The following UNC13C variants were observed in gnomAD, a reference collection of about 807,000 sequenced individuals.
UNC13C encodes unc-13 homolog C, also known as protein unc-13 homolog C.
A neutral mutation model predicts 245.4 loss-of-function variants in UNC13C; 174 were observed. The ratio of observed to expected loss-of-function variants is 0.71; its 90% CI spans 0.63 to 0.80. UNC13C has a LOEUF of 0.80. Ranked by LOEUF, UNC13C falls within the 30% of genes least tolerant of loss-of-function variation. The pLI is 0.00. For missense variants in UNC13C, 2,829 were observed against 2,602.9 expected (o/e 1.09, Z -1.89); for synonymous variants, 992 against 895.1 (o/e 1.11, Z -1.93).
intron 19 of UNC13C, among the ~76,000 whole-genome samples, chr15:54,477,837 G>C (rs1252233875): frequency 2.0e-5 from 3 of 149,568 alleles, no homozygotes; most frequent in Non-Finnish European, 4.4e-5. Context: ...ATGAGTTAAG[G>C]AGGAGTCCCT....
chr15:54,318,551 T>C (rs898299968), intron 13 of UNC13C, among the ~76,000 whole-genome samples: 1 of 151,942 alleles, frequency 6.6e-6, no homozygotes, highest in African/African-American at 2.4e-5. Context: ...ATGTGGGTCT[T>C]TTGCCCATTT....
chr15:54,414,011 G>A (rs1354144356), intron 18 of UNC13C, among the ~76,000 whole-genome samples: 1 of 152,138 alleles, frequency 6.6e-6, no homozygotes, highest in African/African-American at 2.4e-5. Context: ...ATTATTAAGA[G>A]CCTTATCATG....
At chr15:53,888,650 C>G in the UNC13C span, among the ~76,000 whole-genome samples, 2 of 152,112 alleles carry the variant, frequency 1.3e-5, no homozygotes, top group African/African-American at 4.8e-5. Context: ...ATGGCATTGC[C>G]TATGTTTTCT....
the UNC13C span, among the ~76,000 whole-genome samples, chr15:53,916,567 T>A: frequency 1.3e-5 from 2 of 152,124 alleles, no homozygotes; most frequent in African/African-American, 4.8e-5. Context: ...AGTTGGGAAG[T>A]AGAGCTGCTT....
intron 2 of UNC13C, among the ~76,000 whole-genome samples, chr15:54,093,177 A>G (rs1899660170): frequency 9.0e-6 from 1 of 111,064 alleles, no homozygotes. Flanking sequence ...ACAGGGTGCT[A>G]AAAAATGTAA....
intron 2 of UNC13C, among the ~76,000 whole-genome samples, chr15:54,117,654 T>G (rs2030364339): frequency 6.6e-6 from 1 of 151,704 alleles, no homozygotes; most frequent in Non-Finnish European, 1.5e-5. Context: ...CAATCTTGAC[T>G]CACTGCAGCC....
Position 54,374,787 on chromosome 15 carries a change from G to A in UNC13C, c.4714-18261G>A, listed in dbSNP as rs960620113. On this transcript the variant is annotated intron_variant, in intron 17 of 32. Transcript: ENST00000260323. Reference sequence around the variant, plus strand: ...CTGTGGAGCATGCAGTCCTGGCTGCGCCTCGCCGGCTGGCTGCAGCTGTCA... The same window carrying A: ...CTGTGGAGCATGCAGTCCTGGCTGCACCTCGCCGGCTGGCTGCAGCTGTCA... Among the ~76,000 whole-genome samples, 24 of 152,206 alleles carry A rather than the reference G, an allele frequency of 1.6e-4. 2 individuals are homozygous for A. Among genetic ancestry groups the A allele is most frequent in the Admixed American group, 1.1e-3 (17 of 15,286 alleles).
chr15:54,621,832 A>G lies in UNC13C; in HGVS notation c.6107-495A>G, dbSNP rs866087665. 5.3e-5 allele frequency among the ~76,000 whole-genome samples: 8 copies of G among 152,292 alleles called. No homozygotes were observed. The South Asian group carries it at 1.0e-3, about 20-fold the overall frequency. On this transcript the variant is annotated intron_variant, in intron 30 of 32. Coordinates refer to ENST00000260323, the MANE Select transcript of UNC13C (RefSeq NM_001080534.3). ...GAGACAGTTGACTTTTTAAAATGCT[A>G]TCGGTACACCTTATAAATAAATTGT...
At chr15:53,900,153 T>C in the UNC13C span, among the ~76,000 whole-genome samples, 1 of 152,136 alleles carries the variant, frequency 6.6e-6, no homozygotes, top group Non-Finnish European at 1.5e-5. Context: ...AATTCAAAAT[T>C]AATGAGGGAC....
At chr15:54,034,200 T>G (rs1337966333) in intron 2 of UNC13C, among the ~76,000 whole-genome samples, 1 of 152,192 alleles carries the variant, frequency 6.6e-6, no homozygotes, top group East Asian at 1.9e-4. Context: ...AGAGTGTCTT[T>G]GCTCACTCCC....
At chr15:53,980,469 T>A (rs1321562028) in intron 1 of UNC13C, among the ~76,000 whole-genome samples, 1 of 152,182 alleles carries the variant, frequency 6.6e-6, no homozygotes, top group Non-Finnish European at 1.5e-5. Flanking sequence ...TAGCAGTAAT[T>A]TTACTGAATC....
chr15:54,236,369 TCCTA>T, intron 5 of UNC13C, 57 bp from the exon 6 acceptor site: 1 of 1,344,416 alleles, frequency 7.4e-7, no homozygotes, highest in Non-Finnish European at 1.0e-6. Context: ...TATACTCTTT[TCCTA>T]CCTTTCATGT....
At chr15:54,150,398 T>C (rs1014166112) in intron 4 of UNC13C, among the ~76,000 whole-genome samples, 34 of 152,216 alleles carry the variant, frequency 2.2e-4, no homozygotes, top group African/African-American at 8.0e-4. Context: ...AGACTCTTGA[T>C]TGTATCATGC....
chr15:54,280,365 T>C (rs2036944605), intron 10 of UNC13C, among the ~76,000 whole-genome samples: 1 of 151,778 alleles, frequency 6.6e-6, no homozygotes, highest in Non-Finnish European at 1.5e-5. Context: ...CCCATATTTG[T>C]CACAATTCAA....
At chr15:54,250,473 G>A in intron 8 of UNC13C, 29 bp downstream of exon 8, 1 of 1,570,442 alleles carries the variant, frequency 6.4e-7, no homozygotes, top group Non-Finnish European at 8.7e-7. Flanking sequence ...TGAAAAAGTG[G>A]TATGCAGAGC....
chr15:54,471,807 T>C lies in UNC13C; in HGVS notation c.4934-22801T>C, dbSNP rs977142078. The stretch of plus-strand genomic sequence containing the variant: ...ATTAATGCTTTTTAAATTGATTTTC[T>C]ATTTGGATTATCTGTCTATGACTTG... On this transcript the variant is annotated intron_variant, in intron 19 of 32. Transcript: ENST00000260323. 2.6e-5 allele frequency among the ~76,000 whole-genome samples: 4 copies of C among 151,710 alleles called. No individual in the cohort carries two copies. In the East Asian group the frequency reaches 7.7e-4, roughly 29 times the overall value.
chr15:54,093,548 A>G (rs1260219293), intron 2 of UNC13C, among the ~76,000 whole-genome samples: 1 of 152,236 alleles, frequency 6.6e-6, no homozygotes, highest in African/African-American at 2.4e-5. Flanking sequence ...TTTATTTTTA[A>G]ATGAATTTTT....
chr15:54,179,098 A>G (rs1021753742), intron 4 of UNC13C, among the ~76,000 whole-genome samples: 1 of 152,120 alleles, frequency 6.6e-6, no homozygotes, highest in Non-Finnish European at 1.5e-5. Flanking sequence ...CCAATTATTC[A>G]CTATAATCCA....
At chr15:54,228,686 CT>C (rs1159084570) in intron 4 of UNC13C, among the ~76,000 whole-genome samples, 2 of 152,160 alleles carry the variant, frequency 1.3e-5, no homozygotes, top group Non-Finnish European at 2.9e-5. Flanking sequence ...TCTCAGAACT[CT>C]GATTCCTTAT....
Sources: gnomAD v4.1 joint callset for allele counts (sites outside exome capture counted in the v4.1 genomes callset) on GRCh38, gnomAD v4.1.1 for gene constraint, MANE v1.5 for transcripts, NCBI Gene and HGNC (gene_info 2026-07-23, HGNC 2026-07-21) for gene names.